Variants in TMEM260 observed in about 807,000 individuals in gnomAD.
TMEM260 encodes protein O-mannosyl-transferase TMEM260.
A neutral mutation model predicts 88.9 loss-of-function variants in TMEM260; 82 were observed. The ratio of observed to expected loss-of-function variants is 0.92; its 90% CI spans 0.77 to 1.11. The LOEUF (loss-of-function observed/expected upper bound fraction) is 1.11. TMEM260 is among the 50% of genes least tolerant of loss of function. TMEM260 has a pLI of 0.00. For synonymous variants in TMEM260, 314 were observed against 309.3 expected, an observed-to-expected ratio of 1.02 and a Z score of -0.16; for missense variants, 902 against 853.4, an observed-to-expected ratio of 1.06 and a Z score of -0.71.
chr14:56,632,764 A>C (rs1032451878), intron 12 of TMEM260, among the ~76,000 whole-genome samples: 2 of 152,060 alleles, frequency 1.3e-5, no homozygotes, highest in Non-Finnish European at 2.9e-5. Context: ...ATGCTTTGAG[A>C]CTGTTAATTA....
chr14:56,653,747 A>AAAAAACAAACAAACAAAC (rs1555343549), downstream of TMEM260, among the ~76,000 whole-genome samples: 7 of 146,714 alleles, frequency 4.8e-5, no homozygotes, highest in South Asian at 4.2e-4. Context: ...AAAACAAAAA[A>AAAAAACAAACAAACAAAC]AAAAAAAACA....
Position 56,633,135 on chromosome 14 carries a change from C to G in TMEM260, c.1688C>G (p.Thr563Arg), listed in dbSNP as rs545049834. The stretch of plus-strand genomic sequence containing the variant: ...AACCCTGAGGAATGGATTAAACTTA[C>G]AAAAAGTATCTATAACTGGACCGAA... ...VFNPEEWIKL[T>R]KSIYNWTEEY... The change falls in exon 13 of 16, where the codon ACA becomes AGA. Residue 563 changes from threonine to arginine, a missense_variant. Thr to Arg is a moderately conservative substitution (Grantham distance 71). Transcript: ENST00000261556. 1 of 1,612,768 alleles carries G rather than the reference C, an allele frequency of 6.2e-7. No individual in the cohort carries two copies. Among genetic ancestry groups the G allele is most frequent in the African/African-American group, 1.3e-5 (1 of 74,918 alleles).
At chr14:56,594,333 CTT>C (rs1886078612) in intron 3 of TMEM260, among the ~76,000 whole-genome samples, 1 of 152,108 alleles carries the variant, frequency 6.6e-6, no homozygotes, top group African/African-American at 2.4e-5. Context: ...TTGAATTTCT[CTT>C]TTGCTTTTAG....
chr14:56,596,962 T>C (rs1195475310), intron 3 of TMEM260, among the ~76,000 whole-genome samples: 1 of 151,984 alleles, frequency 6.6e-6, no homozygotes, highest in East Asian at 1.9e-4. Context: ...AAATTTATAT[T>C]CCTCTGGGTC....
chr14:56,630,466 T>G (rs557224871), intron 12 of TMEM260, among the ~76,000 whole-genome samples: 4 of 150,762 alleles, frequency 2.7e-5, no homozygotes, highest in African/African-American at 1.0e-4. Flanking sequence ...TTTGTTTAAA[T>G]TGTATCTTTT....
chr14:56,647,922 G>GA lies in TMEM260; in HGVS notation c.*435dup, dbSNP rs33934155. The GA allele has an allele frequency of 0.3, 45,657 of 154,544 alleles. 7,570 individuals are homozygous for GA. The highest frequency in any genetic ancestry group is 0.4 in the Non-Finnish European group (28,005 of 69,856). The allele number at this position is 154,544 out of a possible 1,614,324, so 9.6% of individuals were successfully genotyped here. On this transcript the variant is annotated 3_prime_UTR_variant, in exon 16 of 16. Transcript: ENST00000261556. ...GACCAAAGACATTTTCTGTTTCCTG[G>GA]AAAAAAAAAATGAATCATGTTAGGC...
chr14:56,599,792 A>G (rs984866773), intron 3 of TMEM260, among the ~76,000 whole-genome samples: 8 of 152,232 alleles, frequency 5.3e-5, no homozygotes, highest in Admixed American at 1.3e-4. Flanking sequence ...TTAAACATGT[A>G]TGTGTTACTT....
intron 11 of TMEM260, among the ~76,000 whole-genome samples, chr14:56,624,043 A>C (rs1888089192): frequency 6.6e-6 from 1 of 152,194 alleles, no homozygotes; most frequent in Non-Finnish European, 1.5e-5. Context: ...GAATGTGTAA[A>C]CTTGTAAGGA....
chr14:56,612,420 G>A, intron 7 of TMEM260, 135 bp downstream of exon 7: 1 of 739,474 alleles, frequency 1.4e-6, no homozygotes, highest in Admixed American at 2.4e-5. Context: ...ACAGTTAACA[G>A]TTGTTTGTGT....
intron 13 of TMEM260, 87 bp downstream of exon 13, chr14:56,633,258 A>ATTT (rs60675114): frequency 2.3e-4 from 216 of 930,664 alleles, no homozygotes; most frequent in East Asian, 1.5e-3. Flanking sequence ...ATGCCTTCTA[A>ATTT]TTTTTTTTTT....
intron 15 of TMEM260, among the ~76,000 whole-genome samples, chr14:56,638,690 T>C (rs1889321025): frequency 6.6e-6 from 1 of 152,092 alleles, no homozygotes; most frequent in Non-Finnish European, 1.5e-5. Context: ...CCAGTGCTAG[T>C]TTTTCAAGAA....
Position 56,579,919 on chromosome 14 carries a change from G to T in TMEM260, c.5G>T (p.Ser2Ile), listed in dbSNP as rs1319143213. Residue 2 changes from serine (S) to isoleucine (I), a missense_variant, in exon 1 of 16, where the codon AGT (serine) becomes ATT (isoleucine). By Grantham distance (142) the Ser-to-Ile change is moderately radical (BLOSUM62 -2). Transcript: ENST00000261556. M[S>I]PHGDGRGQAQ... ...TCCCTCGGTCGCCACTGGCCCATGA[G>T]TCCCCATGGCGACGGCAGGGGCCAG... 4 of 1,233,958 alleles carry T rather than the reference G, an allele frequency of 3.2e-6. No homozygotes were observed. Among genetic ancestry groups the T allele is most frequent in the Non-Finnish European group, 4.0e-6 (4 of 987,942 alleles). The allele number at this position is 1,233,958 out of a possible 1,614,324, so 76.4% of individuals were successfully genotyped here.
Position 56,644,823 on chromosome 14 carries a change from C to T in TMEM260, c.1870-2420C>T, listed in dbSNP as rs187069857. On this transcript the variant is annotated intron_variant, in intron 15 of 15. Transcript: ENST00000261556. The stretch of plus-strand genomic sequence containing the variant: ...ACAAGAAAAAAAACAACCCCATCAA[C>T]AAGTGGGTGAAGGATATAAACAGAC... 2.9e-3 allele frequency among the ~76,000 whole-genome samples: 435 copies of T among 152,140 alleles called. 5 individuals carry two copies. Among genetic ancestry groups the T allele is most frequent in the African/African-American group, 0.01 (416 of 41,510 alleles).
Position 56,618,575 on chromosome 14 carries a change from T to C in TMEM260, c.1057-19T>C. On this transcript the variant is annotated intron_variant, in intron 9 of 15. Transcript: ENST00000261556. Reference sequence around the variant, plus strand: ...TTAAATAGTCAACTGGACCCACTGGTTGCATGTCTCTTTCACAGGTGGAAC... The same window carrying C: ...TTAAATAGTCAACTGGACCCACTGGCTGCATGTCTCTTTCACAGGTGGAAC... The C allele has an allele frequency of 1.2e-6, 2 of 1,612,362 alleles. No individual in the cohort carries two copies. Among genetic ancestry groups the C allele is most frequent in the Non-Finnish European group, 8.5e-7 (1 of 1,179,270 alleles).
chr14:56,607,526 C>T (rs1886986359), intron 5 of TMEM260, among the ~76,000 whole-genome samples: 1 of 152,152 alleles, frequency 6.6e-6, no homozygotes, highest in Admixed American at 6.5e-5. Context: ...TGGGAGATGA[C>T]TGGAGACAGA....
At chr14:56,593,989 G>A (rs1886051104) in intron 3 of TMEM260, among the ~76,000 whole-genome samples, 1 of 152,102 alleles carries the variant, frequency 6.6e-6, no homozygotes, top group Admixed American at 6.5e-5. Flanking sequence ...GCCCGGCCGT[G>A]AGTGTCTTTT....
intron 11 of TMEM260, among the ~76,000 whole-genome samples, 180 bp downstream of exon 11, chr14:56,621,882 CTAAT>C (rs897031110): frequency 1.3e-5 from 2 of 151,884 alleles, no homozygotes; most frequent in African/African-American, 4.8e-5. Context: ...TTTATTTTAA[CTAAT>C]AGTGTAAGTC....
At chr14:56,613,052 A>G (rs1314085851) in intron 7 of TMEM260, 3 of 152,112 alleles carry the variant, frequency 2.0e-5, no homozygotes, top group Non-Finnish European at 2.9e-5. Context: ...GCTTAAGCAA[A>G]TATATTTTCA....
rs1890074040 is a variant in TMEM260 at position 56,648,021 on chromosome 14, A to G, written c.*524A>G. 3 of 152,206 alleles carry G rather than the reference A, an allele frequency of 2.0e-5. No individual in the cohort carries two copies. The South Asian group carries it at 6.2e-4, about 32-fold the overall frequency. 9.4% of individuals were successfully genotyped at this position (152,206 alleles called of 1,614,324 possible). On this transcript the variant is annotated 3_prime_UTR_variant, in exon 16 of 16. Transcript: ENST00000261556. The stretch of plus-strand genomic sequence containing the variant: ...TCTTACACTTCAAGCTAAACACCAA[A>G]TGGGTGATATTTTGAAAAAAGTTTG...
Sources: allele counts gnomAD v4.1 joint callset (sites outside exome capture counted in the v4.1 genomes callset), GRCh38; gene constraint gnomAD v4.1.1; transcripts MANE v1.5; gene names NCBI Gene and HGNC (gene_info 2026-07-23, HGNC 2026-07-21).